RBMS3: variants seen among roughly 807,000 people sequenced by gnomAD.
The protein encoded by RBMS3 is RNA-binding motif, single-stranded-interacting protein 3.
In RBMS3, 27 loss-of-function variants were observed where a neutral mutation model predicts 66.8. The ratio of observed to expected loss-of-function variants is 0.40; its 90% CI spans 0.30 to 0.56. The LOEUF (loss-of-function observed/expected upper bound fraction) is 0.56. RBMS3 is among the 20% of genes least tolerant of loss of function. The pLI is 0.40. For synonymous variants in RBMS3, 188 were observed against 183.0 expected (o/e 1.03, Z -0.22); for missense variants, 513 against 549.5 (o/e 0.93, Z 0.66).
chr3:29,551,901 C>T (rs527809648), intron 3 of RBMS3, among the ~76,000 whole-genome samples: 26 of 152,234 alleles, frequency 1.7e-4, no homozygotes, highest in African/African-American at 5.8e-4. Flanking sequence ...GTTTGCCTTC[C>T]CATTCCCTGC....
intron 6 of RBMS3, among the ~76,000 whole-genome samples, chr3:29,792,853 G>A (rs1241325354): frequency 6.6e-6 from 1 of 152,104 alleles, no homozygotes; most frequent in East Asian, 1.9e-4. Context: ...AAGCAATAAA[G>A]AAAAATAGTG....
At position 29,722,290 on chromosome 3, in the gene RBMS3, CTCTTACATT is replaced by C. The variant is rs534185328; in HGVS notation, c.400-17428_400-17420del. 1.7e-3 allele frequency among the ~76,000 whole-genome samples: 258 copies of C among 152,108 alleles called. 1 individual carries two copies. The highest frequency in any genetic ancestry group is 2.1e-3 in the South Asian group (10 of 4,824). On this transcript the variant is annotated intron_variant, in intron 4 of 14. Transcript: ENST00000383767. ...ACCCAAATTTTCCACGTACTAACAT[CTCTTACATT>C]TGCTTTATCATTTTCTCTATTAATA...
chr3:29,979,283 G>A (rs1697815868), intron 12 of RBMS3, among the ~76,000 whole-genome samples: 1 of 152,210 alleles, frequency 6.6e-6, no homozygotes, highest in African/African-American at 2.4e-5. Flanking sequence ...GCTCTGAAGA[G>A]AAGTTGATTG....
chr3:29,801,823 A>T (rs1229624079), intron 6 of RBMS3, among the ~76,000 whole-genome samples: 2 of 152,136 alleles, frequency 1.3e-5, no homozygotes, highest in African/African-American at 2.4e-5. Flanking sequence ...CTGGGTTCAA[A>T]TTATACCACT....
At chr3:29,450,932 C>CACA (rs1491094947) in intron 2 of RBMS3, among the ~76,000 whole-genome samples, 3 of 57,302 alleles carry the variant, frequency 5.2e-5, no homozygotes, top group Admixed American at 1.8e-4. Context: ...CACACACACA[C>CACA]CCCCCACACA....
intron 6 of RBMS3, among the ~76,000 whole-genome samples, chr3:29,831,091 C>T (rs2058358731): frequency 6.6e-6 from 1 of 152,100 alleles, no homozygotes; most frequent in South Asian, 2.1e-4. Flanking sequence ...AATAACAGAT[C>T]TTCTTTGAGA....
intron 10 of RBMS3, among the ~76,000 whole-genome samples, chr3:29,925,789 T>C (rs2060922143): frequency 6.6e-6 from 1 of 152,210 alleles, no homozygotes; most frequent in Non-Finnish European, 1.5e-5. Flanking sequence ...CTAAGCTCCC[T>C]GATGATAGTA....
At chr3:29,371,349 C>T (rs2038191531) in intron 1 of RBMS3, among the ~76,000 whole-genome samples, 1 of 152,160 alleles carries the variant, frequency 6.6e-6, no homozygotes, top group Non-Finnish European at 1.5e-5. Context: ...GCCAGTGAGC[C>T]TGGGAAATTC....
chr3:29,533,789 TA>T (rs1559446207), intron 3 of RBMS3, among the ~76,000 whole-genome samples: 1 of 152,016 alleles, frequency 6.6e-6, no homozygotes, highest in East Asian at 1.9e-4. Flanking sequence ...AATAAATAAA[TA>T]AATAAAGCCC....
At chr3:29,765,542 C>G (rs966133503) in intron 6 of RBMS3, among the ~76,000 whole-genome samples, 6 of 151,888 alleles carry the variant, frequency 4.0e-5, no homozygotes, top group South Asian at 2.1e-4. Context: ...TCTGCCTTAT[C>G]AAGATTTGAC....
intron 4 of RBMS3, among the ~76,000 whole-genome samples, chr3:29,698,985 AC>A (rs1347900513): frequency 1.3e-5 from 2 of 152,198 alleles, no homozygotes; most frequent in African/African-American, 4.8e-5. Flanking sequence ...AACATTTTCG[AC>A]AAATACATAA....
chr3:29,537,849 A>G (rs903123270), intron 3 of RBMS3, among the ~76,000 whole-genome samples: 26 of 151,334 alleles, frequency 1.7e-4, no homozygotes, highest in African/African-American at 6.3e-4. Flanking sequence ...AGAAAGAAAG[A>G]AAAAAAATTT....
intron 3 of RBMS3, among the ~76,000 whole-genome samples, chr3:29,489,369 C>A (rs1409630448): frequency 6.6e-6 from 1 of 151,758 alleles, no homozygotes. Context: ...TTCAATTCAG[C>A]AATTAAAAAA....
At chr3:29,452,218 G>A (rs9310899) in intron 2 of RBMS3, among the ~76,000 whole-genome samples, 72,165 of 151,946 alleles carry the variant, frequency 0.47, 17,878 homozygotes, top group East Asian at 0.63. Context: ...TTGATTCTCA[G>A]CTTATTTAAC....
intron 5 of RBMS3, among the ~76,000 whole-genome samples, chr3:29,747,407 T>C (rs2149360315): frequency 8.2e-6 from 1 of 121,298 alleles, no homozygotes; most frequent in Admixed American, 8.2e-5. Flanking sequence ...GATAGATAGA[T>C]AGATAGATAG....
chr3:29,553,114 T>G (rs2046231839), intron 3 of RBMS3, among the ~76,000 whole-genome samples: 1 of 152,218 alleles, frequency 6.6e-6, no homozygotes, highest in Admixed American at 6.5e-5. Flanking sequence ...GTCTTGCCCA[T>G]AAGTTCTTAG....
At chr3:29,966,791 C>T (rs1297177809) in intron 12 of RBMS3, among the ~76,000 whole-genome samples, 1 of 152,146 alleles carries the variant, frequency 6.6e-6, no homozygotes, top group African/African-American at 2.4e-5. Context: ...GGAATGCTTT[C>T]AGCTTTTCCC....
chr3:29,481,845 T>C (rs1039313880), intron 2 of RBMS3, among the ~76,000 whole-genome samples: 1 of 152,192 alleles, frequency 6.6e-6, no homozygotes, highest in Non-Finnish European at 1.5e-5. Context: ...AGTAAATGTA[T>C]AGGTAATAAG....
At chr3:29,587,227 GTTTT>G (rs537893659) in intron 4 of RBMS3, 22 bp downstream of exon 4, 2,918 of 212,556 alleles carry the variant, frequency 0.014, 62 homozygotes, top group Non-Finnish European at 0.017. Context: ...GTTTAGGGGT[GTTTT>G]TTTTTTTTTT....
Sources: gnomAD v4.1 joint callset for allele counts (sites outside exome capture counted in the v4.1 genomes callset) on GRCh38, gnomAD v4.1.1 for gene constraint, MANE v1.5 for transcripts, NCBI Gene and HGNC (gene_info 2026-07-23, HGNC 2026-07-21) for gene names.